The following SSH1 variants were observed in gnomAD, a reference collection of about 807,000 sequenced individuals.
SSH1 encodes slingshot protein phosphatase 1.
Under a neutral mutation model 79.7 loss-of-function variants are expected in SSH1, and 43 were observed. The ratio of observed to expected loss-of-function variants is 0.54; its 90% CI spans 0.42 to 0.70. The LOEUF is 0.70. Among genes scored for constraint, SSH1 ranks in the 30% least tolerant of loss-of-function variants. The pLI is 0.00. For synonymous variants in SSH1, 599 were observed against 538.3 expected (o/e 1.11, Z -1.56); for missense variants, 1,206 against 1,358.8 (o/e 0.89, Z 1.77).
rs2036266682 is a variant in SSH1 at position 108,786,165 on chromosome 12, G to A, written c.*1823C>T. On this transcript the variant is annotated 3_prime_UTR_variant, in exon 15 of 15. Transcript: ENST00000326495. The stretch of plus-strand genomic sequence containing the variant: ...ACACAGTTCTGGCCAATGTTAAGAT[G>A]ATGGCTCACTCACTCACTTTCAGAA... The A allele has an allele frequency of 6.6e-6, 1 of 152,216 alleles. No individual in the cohort carries two copies. Among genetic ancestry groups the A allele is most frequent in the Non-Finnish European group, 1.5e-5 (1 of 68,052 alleles). 9.4% of individuals were successfully genotyped at this position (152,216 alleles called of 1,614,324 possible).
At chr12:108,850,856 A>T (rs1206846876) in intron 2 of SSH1, among the ~76,000 whole-genome samples, 11 of 53,256 alleles carry the variant, frequency 2.1e-4, no homozygotes, top group African/African-American at 8.5e-4. Flanking sequence ...AGTTGGGGGC[A>T]GGCATCTGGG....
chr12:108,845,081 C>T (rs1188700368), intron 2 of SSH1, among the ~76,000 whole-genome samples: 1 of 150,206 alleles, frequency 6.7e-6, no homozygotes, highest in Non-Finnish European at 1.5e-5. Context: ...TTGCAGGGTA[C>T]ACCTACAGTC....
intron 2 of SSH1, among the ~76,000 whole-genome samples, chr12:108,828,767 G>A (rs900843882): frequency 2.3e-4 from 35 of 152,294 alleles, no homozygotes; most frequent in African/African-American, 7.9e-4. Flanking sequence ...AGGCTAAGGA[G>A]TTCTGTAAAC....
At chr12:108,790,109 G>A (rs1216700837) in intron 14 of SSH1, among the ~76,000 whole-genome samples, 2 of 151,026 alleles carry the variant, frequency 1.3e-5, no homozygotes, top group African/African-American at 2.4e-5. Flanking sequence ...ACAGCCAGAG[G>A]GGGCTCATCA....
intron 13 of SSH1, 104 bp downstream of exon 13, chr12:108,798,896 G>C (rs2137021201): frequency 7.3e-7 from 1 of 1,372,880 alleles, no homozygotes; most frequent in South Asian, 1.2e-5. Context: ...GCGGCTGCTG[G>C]GCCGAATGGG....
chr12:108,846,134 A>T (rs879510995), intron 2 of SSH1, among the ~76,000 whole-genome samples: 7 of 152,158 alleles, frequency 4.6e-5, no homozygotes, highest in African/African-American at 1.7e-4. Flanking sequence ...AAGGCAGAGG[A>T]GTCAGGGAGT....
intron 6 of SSH1, among the ~76,000 whole-genome samples, chr12:108,810,305 TG>T (rs1463205116): frequency 6.6e-6 from 1 of 152,026 alleles, no homozygotes; most frequent in Non-Finnish European, 1.5e-5. Context: ...GTGGATCACC[TG>T]AGGTCAAGAG....
chr12:108,840,943 C>T (rs996145758), intron 2 of SSH1, among the ~76,000 whole-genome samples: 2 of 152,132 alleles, frequency 1.3e-5, no homozygotes, highest in African/African-American at 2.4e-5. Context: ...TTGCTCTCAC[C>T]GTGGGAATAA....
chr12:108,845,956 G>C lies in SSH1; in HGVS notation c.110+6682C>G, dbSNP rs567983724. 3.3e-5 allele frequency among the ~76,000 whole-genome samples: 5 copies of C among 152,334 alleles called. 1 individual carries two copies. The South Asian group carries it at 8.3e-4, about 25-fold the overall frequency. On this transcript the variant is annotated intron_variant, in intron 2 of 14. Transcript: ENST00000326495. The stretch of plus-strand genomic sequence containing the variant: ...AGGTGCAAAAGTAGGGGTGTTCAAT[G>C]AAGAGGGGAAGCATGGTCTGCAGGG...
At chr12:108,840,922 A>G (rs1239511437) in intron 2 of SSH1, among the ~76,000 whole-genome samples, 13 of 152,170 alleles carry the variant, frequency 8.5e-5, no homozygotes, top group Non-Finnish European at 1.9e-4. Flanking sequence ...GACCCCCATA[A>G]GCGCATGACC....
At chr12:108,793,860 C>T (rs942356244) in intron 13 of SSH1, among the ~76,000 whole-genome samples, 2 of 152,234 alleles carry the variant, frequency 1.3e-5, no homozygotes, top group Admixed American at 6.5e-5. Flanking sequence ...GCCATTCATC[C>T]TCTCTGCTCG....
intron 14 of SSH1, chr12:108,791,936 T>G (rs1341330062): frequency 6.9e-6 from 9 of 1,305,586 alleles, no homozygotes; most frequent in East Asian, 2.8e-5. Context: ...GGCTGATAAA[T>G]TATATGTTTT....
At chr12:108,801,055 A>C (rs946799763) in intron 11 of SSH1, 129 bp from the exon 12 acceptor site, 22 of 950,230 alleles carry the variant, frequency 2.3e-5, no homozygotes, top group Non-Finnish European at 3.2e-5. Context: ...TCGTGGCGGG[A>C]CTTTGGTTTT....
intron 10 of SSH1, among the ~76,000 whole-genome samples, chr12:108,803,356 G>C (rs2137049854): frequency 7.4e-6 from 1 of 135,760 alleles, no homozygotes; most frequent in Admixed American, 7.2e-5. Flanking sequence ...AAAGGACATG[G>C]AACGGGGGAA....
chr12:108,814,694 T>G (rs566482110), intron 5 of SSH1, among the ~76,000 whole-genome samples: 1 of 152,302 alleles, frequency 6.6e-6, no homozygotes, highest in Non-Finnish European at 1.5e-5. Context: ...TTGGGGTCGG[T>G]GCCCACAGGT....
chr12:108,822,431 G>T (rs943113643), intron 3 of SSH1, among the ~76,000 whole-genome samples: 2 of 150,722 alleles, frequency 1.3e-5, no homozygotes, highest in Non-Finnish European at 3.0e-5. Flanking sequence ...CACCGTGCCT[G>T]GCCATAAGTG....
chr12:108,837,020 C>T (rs2038650791), intron 2 of SSH1: 1 of 476,056 alleles, frequency 2.1e-6, no homozygotes, highest in African/African-American at 2.0e-5. Context: ...CACTTGAGGT[C>T]AGGGGTTCGA....
intron 2 of SSH1, among the ~76,000 whole-genome samples, chr12:108,843,590 A>G (rs1257724887): frequency 6.6e-6 from 1 of 152,270 alleles, no homozygotes; most frequent in Middle Eastern, 3.4e-3. Flanking sequence ...GGTGGAATGC[A>G]GTGGTGTGAT....
At position 108,845,007 on chromosome 12, in the gene SSH1, G is replaced by A. The variant is rs186135628; in HGVS notation, c.110+7631C>T. ...CCAGCTACTCGGGAGGCTGAGACAG[G>A]ACAAAAATTTGCAGGGTACACCTAC... On this transcript the variant is annotated intron_variant, in intron 2 of 14. Coordinates refer to ENST00000326495, the MANE Select transcript of SSH1 (RefSeq NM_018984.4). Among the ~76,000 whole-genome samples, 4 of 149,028 alleles carry A rather than the reference G, an allele frequency of 2.7e-5. No homozygotes were observed. In the East Asian group the frequency reaches 7.9e-4, roughly 29 times the overall value.
Sources: allele counts gnomAD v4.1 joint callset (sites outside exome capture counted in the v4.1 genomes callset), GRCh38; gene constraint gnomAD v4.1.1; transcripts MANE v1.5; gene names NCBI Gene and HGNC (gene_info 2026-07-23, HGNC 2026-07-21).